The following ATP8A2 variants were observed in gnomAD, a reference collection of about 807,000 sequenced individuals.
ATP8A2 encodes the protein phospholipid-transporting ATPase IB.
In ATP8A2, 100 loss-of-function variants were observed where a neutral mutation model predicts 165.6. That is an observed-to-expected ratio of 0.60 (90% CI 0.51 to 0.71). The LOEUF (loss-of-function observed/expected upper bound fraction) is 0.71. Among genes scored for constraint, ATP8A2 ranks in the 30% least tolerant of loss-of-function variants. The pLI is 0.00. For missense variants in ATP8A2, 1,227 were observed against 1,479.5 expected, an observed-to-expected ratio of 0.83 and a Z score of 2.80; for synonymous variants, 543 against 548.8, an observed-to-expected ratio of 0.99 and a Z score of 0.15.
intron 24 of ATP8A2, among the ~76,000 whole-genome samples, chr13:25,690,389 C>CTT (rs560573240): frequency 6.8e-6 from 1 of 146,128 alleles, no homozygotes; most frequent in Non-Finnish European, 1.5e-5. Context: ...AAATTTGTGA[C>CTT]TTTTTTTTTT....
chr13:25,574,025 T>C (rs964783274), intron 18 of ATP8A2, among the ~76,000 whole-genome samples: 3 of 152,214 alleles, frequency 2.0e-5, no homozygotes, highest in Non-Finnish European at 4.4e-5. Context: ...AGGCAGAAAC[T>C]GGATTCAAAC....
intron 24 of ATP8A2, among the ~76,000 whole-genome samples, chr13:25,657,456 A>T (rs1465177525): frequency 6.6e-6 from 1 of 152,068 alleles, no homozygotes; most frequent in Non-Finnish European, 1.5e-5. Context: ...CCAGATGGGG[A>T]CTGTCACCAG....
At position 25,589,625 on chromosome 13, in the gene ATP8A2, T is replaced by A; in HGVS notation, c.2147-10T>A. 2 of 1,604,716 alleles carry A rather than the reference T, an allele frequency of 1.2e-6. No individual in the cohort carries two copies. Among genetic ancestry groups the A allele is most frequent in the Non-Finnish European group, 1.7e-6 (2 of 1,172,258 alleles). On this transcript the variant is annotated splice_polypyrimidine_tract_variant and intron_variant, in intron 23 of 36. Transcript: ENST00000381655. Reference sequence around the variant, plus strand: ...GAGAAATTCACATGTTGTCTCTTCCTCCACTTCAGGGTATTCCTGCCGATT... The same window carrying A: ...GAGAAATTCACATGTTGTCTCTTCCACCACTTCAGGGTATTCCTGCCGATT...
intron 10 of ATP8A2, among the ~76,000 whole-genome samples, chr13:25,549,085 G>A (rs1048871750): frequency 5.9e-5 from 9 of 152,082 alleles, no homozygotes; most frequent in African/African-American, 2.2e-4. Flanking sequence ...ACTTAAGTTT[G>A]GCACAAGGTA....
intron 24 of ATP8A2, among the ~76,000 whole-genome samples, chr13:25,659,742 C>T (rs540809592): frequency 1.3e-5 from 2 of 152,288 alleles, no homozygotes; most frequent in East Asian, 3.9e-4. Context: ...TAAGGCACTG[C>T]TATCTGTCTT....
chr13:25,921,198 T>C (rs958047364), intron 33 of ATP8A2, among the ~76,000 whole-genome samples: 1 of 152,198 alleles, frequency 6.6e-6, no homozygotes, highest in Admixed American at 6.5e-5. Flanking sequence ...GACTCAGGAA[T>C]GAGATCTTAG....
chr13:25,943,670 C>A (rs1005574741), intron 33 of ATP8A2, among the ~76,000 whole-genome samples: 1 of 152,200 alleles, frequency 6.6e-6, no homozygotes, highest in Non-Finnish European at 1.5e-5. Context: ...ACCTGTCGAT[C>A]TCTGCCTGTA....
At chr13:25,989,474 T>G (rs1400688269) in intron 35 of ATP8A2, among the ~76,000 whole-genome samples, 4 of 152,236 alleles carry the variant, frequency 2.6e-5, no homozygotes, top group Non-Finnish European at 5.9e-5. Context: ...GATTAAAAAA[T>G]ATTATTAGGT....
chr13:25,825,454 C>T (rs1951290992), intron 27 of ATP8A2, among the ~76,000 whole-genome samples: 1 of 151,988 alleles, frequency 6.6e-6, no homozygotes, highest in Non-Finnish European at 1.5e-5. Context: ...TCACTATGCC[C>T]AGGCTCTTTT....
At chr13:25,782,793 G>A (rs1445488227) in intron 27 of ATP8A2, among the ~76,000 whole-genome samples, 1 of 152,184 alleles carries the variant, frequency 6.6e-6, no homozygotes, top group Non-Finnish European at 1.5e-5. Flanking sequence ...AGGCTGGAGT[G>A]CAATGGCGTG....
At chr13:25,634,445 A>C (rs1338559337) in intron 24 of ATP8A2, among the ~76,000 whole-genome samples, 1 of 152,232 alleles carries the variant, frequency 6.6e-6, no homozygotes, top group Non-Finnish European at 1.5e-5. Flanking sequence ...TAAAGTGCTC[A>C]TTCAGAAATA....
intron 24 of ATP8A2, among the ~76,000 whole-genome samples, chr13:25,664,401 A>G (rs2042109745): frequency 6.6e-6 from 1 of 152,142 alleles, no homozygotes; most frequent in Non-Finnish European, 1.5e-5. Context: ...CCTCTTCTGG[A>G]GTGGGCAGTT....
At chr13:25,438,960 AC>A (rs1427458851) in intron 1 of ATP8A2, among the ~76,000 whole-genome samples, 9 of 152,164 alleles carry the variant, frequency 5.9e-5, no homozygotes, top group Admixed American at 5.9e-4. Flanking sequence ...TTTGGCTCAG[AC>A]CCTTTAAGAA....
At chr13:25,590,504 CCCA>C (rs2040042326) in intron 24 of ATP8A2, among the ~76,000 whole-genome samples, 1 of 152,134 alleles carries the variant, frequency 6.6e-6, no homozygotes, top group Non-Finnish European at 1.5e-5. Context: ...GCCGCATGAA[CCCA>C]CCCCATCATG....
rs182541051 is a variant in ATP8A2, at chr13:25,614,532, C to T, written c.2211+24833C>T. Among the ~76,000 whole-genome samples the T allele has an allele frequency of 8.3e-4, 126 of 152,146 alleles. 1 individual carries two copies. Among genetic ancestry groups the T allele is most frequent in the African/African-American group, 2.5e-3 (102 of 41,492 alleles). On this transcript the variant is annotated intron_variant, in intron 24 of 36. Transcript: ENST00000381655. ...AGAGATTTTTTTCTTGGTTTGGATC[C>T]ATTGCTATGAGCTAGTGTGATCTTT... is the stretch of plus-strand genomic sequence containing the variant.
intron 2 of ATP8A2, among the ~76,000 whole-genome samples, chr13:25,471,354 T>TG (rs201497817): frequency 1.4e-4 from 16 of 117,660 alleles, no homozygotes; most frequent in African/African-American, 5.9e-4. Context: ...GAAGGTAAAG[T>TG]TTTTTTTTTT....
chr13:25,544,653 G>A (rs9578885), intron 10 of ATP8A2, among the ~76,000 whole-genome samples: 4,992 of 152,240 alleles, frequency 0.033, 159 homozygotes, highest in African/African-American at 0.08. Flanking sequence ...GGAGTGACTC[G>A]TGTGAGTAGG....
intron 2 of ATP8A2, among the ~76,000 whole-genome samples, chr13:25,512,311 T>A (rs2037255748): frequency 6.6e-6 from 1 of 152,140 alleles, no homozygotes; most frequent in Non-Finnish European, 1.5e-5. Flanking sequence ...CCATCCGATT[T>A]CTCAATCTTT....
At chr13:25,833,773 A>T (rs1951537151) in intron 28 of ATP8A2, among the ~76,000 whole-genome samples, 1 of 152,250 alleles carries the variant, frequency 6.6e-6, no homozygotes, top group South Asian at 2.1e-4. Flanking sequence ...ATGGAAGAGT[A>T]ACTTCTGTAG....
Sources: allele counts gnomAD v4.1 joint callset (sites outside exome capture counted in the v4.1 genomes callset), GRCh38; gene constraint gnomAD v4.1.1; transcripts MANE v1.5; gene names NCBI Gene and HGNC (gene_info 2026-07-23, HGNC 2026-07-21).